Variants in SLC17A6 observed in about 807,000 individuals in gnomAD.
SLC17A6 encodes the protein vesicular glutamate transporter 2.
In SLC17A6, 35 loss-of-function variants were observed where a neutral mutation model predicts 67.1. That is an observed-to-expected ratio of 0.52 (90% CI 0.40 to 0.69). The LOEUF is 0.69. Ranked by LOEUF, SLC17A6 falls within the 30% of genes least tolerant of loss-of-function variation. The pLI, the probability that SLC17A6 is intolerant of heterozygous loss-of-function variation, is 0.00. For missense variants in SLC17A6, 588 were observed against 723.9 expected, an observed-to-expected ratio of 0.81 and a Z score of 2.15; for synonymous variants, 285 against 252.3, an observed-to-expected ratio of 1.13 and a Z score of -1.23.
rs1246701194 is a variant in SLC17A6, at chr11:22,378,585, A to G, written c.*845A>G. Reference sequence around the variant, plus strand: ...AAAAAAAAGAGATATATACACCACAAAGAATCTAATAAGAAATTTATTATG... The same window carrying G: ...AAAAAAAAGAGATATATACACCACAGAGAATCTAATAAGAAATTTATTATG... On this transcript the variant is annotated 3_prime_UTR_variant, in exon 12 of 12. Coordinates refer to ENST00000263160, the MANE Select transcript of SLC17A6 (RefSeq NM_020346.3). 6.6e-6 allele frequency: 1 copy of G among 152,550 alleles called. No individual in the cohort carries two copies. Among genetic ancestry groups the G allele is most frequent in the Non-Finnish European group, 1.5e-5 (1 of 67,960 alleles). 9.4% of individuals were successfully genotyped at this position (152,550 alleles called of 1,614,324 possible).
chr11:22,339,095 ATATATATGT>A (rs1323682616), intron 1 of SLC17A6, among the ~76,000 whole-genome samples: 8 of 84,510 alleles, frequency 9.5e-5, no homozygotes, highest in Admixed American at 1.4e-4. Context: ...TATATGTTAT[ATATATATGT>A]TATATATATA....
chr11:22,350,464 A>G (rs915605995), intron 3 of SLC17A6, among the ~76,000 whole-genome samples: 15 of 152,128 alleles, frequency 9.9e-5, no homozygotes, highest in Middle Eastern at 3.2e-3. Flanking sequence ...ATCACAAAAA[A>G]AAACCCAACA....
intron 3 of SLC17A6, among the ~76,000 whole-genome samples, chr11:22,354,121 T>C (rs1287043127): frequency 6.6e-6 from 1 of 152,096 alleles, no homozygotes; most frequent in African/African-American, 2.4e-5. Flanking sequence ...TTTGCTCTTG[T>C]TGCCCAGGCT....
At chr11:22,350,133 C>T (rs1428642935) in intron 3 of SLC17A6, among the ~76,000 whole-genome samples, 6 of 152,008 alleles carry the variant, frequency 3.9e-5, no homozygotes, top group Non-Finnish European at 7.4e-5. Context: ...AATTTCAAAG[C>T]GAACTCATTA....
intron 3 of SLC17A6, among the ~76,000 whole-genome samples, 159 bp downstream of exon 3, chr11:22,343,524 G>A (rs1484486760): frequency 6.6e-6 from 1 of 152,180 alleles, no homozygotes; most frequent in South Asian, 2.1e-4. Context: ...GGAGCTGCTG[G>A]TGACTCCTTC....
At chr11:22,350,824 A>G (rs1162815541) in intron 3 of SLC17A6, among the ~76,000 whole-genome samples, 4 of 152,118 alleles carry the variant, frequency 2.6e-5, no homozygotes, top group Admixed American at 1.3e-4. Context: ...TAGAACTTCA[A>G]TTTCAGCTAT....
chr11:22,349,441 G>T (rs1371493712), intron 3 of SLC17A6, among the ~76,000 whole-genome samples: 1 of 152,168 alleles, frequency 6.6e-6, no homozygotes, highest in Non-Finnish European at 1.5e-5. Flanking sequence ...ACCATAAGAT[G>T]AATAGATGGA....
chr11:22,342,304 G>C (rs954159031), intron 2 of SLC17A6, among the ~76,000 whole-genome samples: 3 of 152,132 alleles, frequency 2.0e-5, no homozygotes, highest in African/African-American at 7.2e-5. Context: ...GTGGCAGGGA[G>C]TCGCGCCCAG....
rs78927352 is a variant in SLC17A6, at chr11:22,359,761, G to T, written c.573+234G>T. ...CTCTCTAGAATTGAGTGGGATTAAA[G>T]AAATATTTTAATGCCTATTTGACTT... On this transcript the variant is annotated intron_variant, in intron 4 of 11. Coordinates refer to ENST00000263160, the MANE Select transcript of SLC17A6 (RefSeq NM_020346.3). Among the ~76,000 whole-genome samples the T allele has an allele frequency of 1.5e-3, 234 of 151,836 alleles. No individual in the cohort carries two copies. The Middle Eastern group carries it at 0.02, about 13-fold the overall frequency.
intron 3 of SLC17A6, among the ~76,000 whole-genome samples, chr11:22,356,158 AGTT>A (rs1855991140): frequency 6.6e-6 from 1 of 152,158 alleles, no homozygotes; most frequent in Non-Finnish European, 1.5e-5. Flanking sequence ...CAACTCAGAG[AGTT>A]GTTGTGAGAA....
Position 22,371,600 on chromosome 11 carries a change from G to C in SLC17A6, c.1041+1412G>C, listed in dbSNP as rs561479207. Among the ~76,000 whole-genome samples, 4 of 152,010 alleles carry C rather than the reference G, an allele frequency of 2.6e-5. No individual in the cohort carries two copies. In the South Asian group the frequency reaches 6.3e-4, roughly 24 times the overall value. On this transcript the variant is annotated intron_variant, in intron 8 of 11. Coordinates refer to ENST00000263160, the MANE Select transcript of SLC17A6 (RefSeq NM_020346.3). ...TACCGACAGGCTATTAATAAAGCCA[G>C]TTCTCGGGGGCAGAGTGAGGAAGCC...
intron 7 of SLC17A6, among the ~76,000 whole-genome samples, chr11:22,367,336 A>C (rs1369702189): frequency 6.6e-6 from 1 of 152,148 alleles, no homozygotes; most frequent in Non-Finnish European, 1.5e-5. Flanking sequence ...GCCCTTAATG[A>C]ATAAGAAAAA....
At chr11:22,352,765 G>A (rs985599213) in intron 3 of SLC17A6, among the ~76,000 whole-genome samples, 1 of 152,108 alleles carries the variant, frequency 6.6e-6, no homozygotes, top group African/African-American at 2.4e-5. Flanking sequence ...TTGAGGGTGG[G>A]GGCATGAGTG....
At chr11:22,368,735 T>C (rs1856140449) in intron 7 of SLC17A6, among the ~76,000 whole-genome samples, 1 of 152,080 alleles carries the variant, frequency 6.6e-6, no homozygotes, top group African/African-American at 2.4e-5. Context: ...TTATTATCTT[T>C]GAAATAAGTG....
At chr11:22,374,961 C>A (rs1294535327) in intron 9 of SLC17A6, 74 bp downstream of exon 9, 6 of 1,357,876 alleles carry the variant, frequency 4.4e-6, no homozygotes, top group Admixed American at 5.1e-5. Context: ...ATAACTTTTT[C>A]TACACATATC....
At chr11:22,375,280 G>A (rs888497523) in intron 9 of SLC17A6, among the ~76,000 whole-genome samples, 1 of 151,836 alleles carries the variant, frequency 6.6e-6, no homozygotes, top group Non-Finnish European at 1.5e-5. Context: ...ACTGAGGCAG[G>A]AGAATTGCTT....
At chr11:22,371,482 AG>A (rs1447745235) in intron 8 of SLC17A6, among the ~76,000 whole-genome samples, 1 of 151,890 alleles carries the variant, frequency 6.6e-6, no homozygotes, top group African/African-American at 2.4e-5. Flanking sequence ...CAAACATTCC[AG>A]GGTAGCCTTT....
chr11:22,359,981 C>T (rs1017035816), intron 4 of SLC17A6, among the ~76,000 whole-genome samples: 1 of 152,100 alleles, frequency 6.6e-6, no homozygotes, highest in African/African-American at 2.4e-5. Context: ...TAATGATCAA[C>T]TCTTGCTCCA....
intron 8 of SLC17A6, among the ~76,000 whole-genome samples, chr11:22,373,424 T>C (rs1188197577): frequency 6.6e-6 from 1 of 152,160 alleles, no homozygotes; most frequent in Non-Finnish European, 1.5e-5. Flanking sequence ...TAAAAAGCCT[T>C]GTACTTTTCT....
Sources: allele counts gnomAD v4.1 joint callset (sites outside exome capture counted in the v4.1 genomes callset), GRCh38; gene constraint gnomAD v4.1.1; transcripts MANE v1.5; gene names NCBI Gene and HGNC (gene_info 2026-07-23, HGNC 2026-07-21).